CACNA1H: variants seen among roughly 807,000 people sequenced by gnomAD.
CACNA1H encodes calcium voltage-gated channel subunit alpha1 H.
Under a neutral mutation model 192.5 loss-of-function variants are expected in CACNA1H, and 149 were observed. That is an observed-to-expected ratio of 0.77 (90% CI 0.68 to 0.89). The LOEUF is 0.89. CACNA1H is among the 40% of genes least tolerant of loss of function. The probability of loss-of-function intolerance (pLI) is 0.00; values close to 1 mark genes in which losing one functional copy is unlikely to be tolerated. For missense variants in CACNA1H, 4,257 were observed against 3,423.5 expected, an observed-to-expected ratio of 1.24 and a Z score of -6.08; for synonymous variants, 2,202 against 1,475.2, an observed-to-expected ratio of 1.49 and a Z score of -11.29.
intron 12 of CACNA1H, chr16:1,206,672 G>A (rs1968750919): frequency 4.7e-6 from 2 of 429,584 alleles, no homozygotes; most frequent in South Asian, 6.1e-5. Context: ...CAGCCAGGCA[G>A]GCCGGGCTTT....
Position 1,202,112 on chromosome 16 carries a change from C to T in CACNA1H, c.1662C>T (p.Gly554=), listed in dbSNP as rs755913742. Residue 554 remains glycine (G), a synonymous_variant, in exon 9 of 35, where the codon GGC becomes GGT. Coordinates refer to ENST00000348261, the MANE Select transcript of CACNA1H (RefSeq NM_021098.3). ...GACDTRLVRA[G]APPSPPSPGR... ...GCGACACCAGGCTGGTCCGAGCTGG[C>T]GCGCCCCCCTCGCCACCTTCCCCAG... 19 of 1,545,890 alleles carry T rather than the reference C, an allele frequency of 1.2e-5. No homozygotes were observed. The highest frequency in any genetic ancestry group is 2.7e-5 in the African/African-American group (2 of 72,994).
intron 2 of CACNA1H, among the ~76,000 whole-genome samples, chr16:1,168,227 AC>A (rs1362765160): frequency 6.6e-6 from 1 of 150,736 alleles, no homozygotes; most frequent in Non-Finnish European, 1.5e-5. Context: ...TGCCCAGCTC[AC>A]CCCGATGAGC....
intron 2 of CACNA1H, chr16:1,159,992 TC>T (rs1191665864): frequency 6.6e-6 from 1 of 152,340 alleles, no homozygotes; most frequent in African/African-American, 2.4e-5. Context: ...AGAAGAGACG[TC>T]CCGTTCCGGG....
intron 2 of CACNA1H, among the ~76,000 whole-genome samples, chr16:1,185,189 C>T (rs527901812): frequency 1.5e-3 from 233 of 152,324 alleles, no homozygotes; most frequent in Non-Finnish European, 2.2e-3. Flanking sequence ...AGCTTTCTTC[C>T]TTTTCATGGC....
At chr16:1,175,199 A>G (rs945950483) in intron 2 of CACNA1H, among the ~76,000 whole-genome samples, 4 of 151,906 alleles carry the variant, frequency 2.6e-5, no homozygotes, top group Non-Finnish European at 5.9e-5. Flanking sequence ...GTGAGGCCCT[A>G]CTGTGCGCAC....
intron 9 of CACNA1H, 106 bp downstream of exon 9, chr16:1,202,558 C>T: frequency 3.0e-6 from 3 of 1,013,950 alleles, no homozygotes; most frequent in South Asian, 3.5e-5. Flanking sequence ...TCTGATGAGC[C>T]CAGCTTTGAC....
intron 8 of CACNA1H, among the ~76,000 whole-genome samples, chr16:1,201,125 CCT>C (rs1458597987): frequency 6.6e-6 from 1 of 152,130 alleles, no homozygotes; most frequent in Non-Finnish European, 1.5e-5. Flanking sequence ...CTTAGCTGGT[CCT>C]CTCATAGGCC....
chr16:1,211,719 C>T lies in CACNA1H; in HGVS notation c.4480C>T (p.Leu1494=), dbSNP rs575012566. ...KYNFDNLGQA[L]MSLFVLSSKD... ...TGACCCTGGCTCTGGCCCTCAGGCC[C>T]TGATGTCGCTGTTCGTGCTGTCATC... The change falls in exon 24 of 35, where the codon CTG becomes TTG. Residue 1494 remains leucine, a synonymous_variant. Transcript: ENST00000348261. 1.8e-5 allele frequency: 29 copies of T among 1,612,586 alleles called. No homozygotes were observed. In the South Asian group the frequency reaches 1.9e-4, roughly 10 times the overall value.
Position 1,212,121 on chromosome 16 carries a change from TAG to T in CACNA1H, c.4747_4748del (p.Arg1583GlufsTer57). The T allele has an allele frequency of 6.2e-7, 1 of 1,607,264 alleles. No individual in the cohort carries two copies. The highest frequency in any genetic ancestry group is 8.5e-7 in the Non-Finnish European group (1 of 1,179,276). On this transcript the variant is annotated frameshift_variant, in exon 25 of 35. Coordinates refer to ENST00000348261, the MANE Select transcript of CACNA1H (RefSeq NM_021098.3). LOFTEE classifies it high-confidence loss of function. ...CGAGAGGAGAAGCGGCTGCGGCGCC[TAG>T]AGAGGAGGCGCAGGAGTAAGGCGCT...
At chr16:1,186,622 G>T (rs377414163) in intron 2 of CACNA1H, among the ~76,000 whole-genome samples, 1 of 152,150 alleles carries the variant, frequency 6.6e-6, no homozygotes, top group African/African-American at 2.4e-5. Flanking sequence ...CTTCTGTCGT[G>T]AATGTGGTCA....
Position 1,200,158 on chromosome 16 carries a change from C to A in CACNA1H, c.804-98C>A, listed in dbSNP as rs963469620. On this transcript the variant is annotated intron_variant, in intron 6 of 34. Transcript: ENST00000348261. ...CACTGGCCCTGACCCTGATCACGTC[C>A]CTGACCTTGATCACGTCCCTGATCA... 5.7e-5 allele frequency: 56 copies of A among 987,896 alleles called. No homozygotes were observed. In the African/African-American group the frequency reaches 1.3e-3, roughly 22 times the overall value. 61.2% of individuals were successfully genotyped at this position (987,896 alleles called of 1,614,324 possible).
Position 1,220,233 on chromosome 16 carries a change from G to A in CACNA1H, c.6301G>A (p.Val2101Ile), listed in dbSNP as rs1970373796. The change falls in exon 35 of 35, where the codon GTC becomes ATC. Residue 2101 changes from valine to isoleucine, a missense_variant. By Grantham distance (29) the Val-to-Ile change is conservative. Coordinates refer to ENST00000348261, the MANE Select transcript of CACNA1H (RefSeq NM_021098.3). ...AEASDPADEE[V>I]SHITSSACPW... ...GGCCTCGGACCCAGCCGACGAGGAG[G>A]TCAGCCACATCACCAGCTCCGCCTG... The A allele has an allele frequency of 1.3e-6, 2 of 1,584,374 alleles. No individual in the cohort carries two copies.
rs1274216754 is a variant in CACNA1H, at chr16:1,217,947, C to T, written c.5352C>T (p.Gly1784=). 1.2e-6 allele frequency: 2 copies of T among 1,605,624 alleles called. No individual in the cohort carries two copies. Among genetic ancestry groups the T allele is most frequent in the Admixed American group, 1.7e-5 (1 of 59,284 alleles). The change falls in exon 32 of 35, where the codon GGC becomes GGT. Residue 1784 remains glycine (G), a synonymous_variant. Transcript: ENST00000348261. The part of the protein sequence containing the change: ...LECSEDNPCE[G]LSRHATFSNF... The stretch of plus-strand genomic sequence containing the variant: ...GCAGTGAAGACAACCCCTGCGAGGG[C>T]CTGAGCAGGCACGCCACCTTCAGCA...
chr16:1,219,878 T>G, intron 34 of CACNA1H, 103 bp from the exon 35 acceptor site: 12 of 887,128 alleles, frequency 1.4e-5, no homozygotes, highest in Non-Finnish European at 1.7e-5. Context: ...ACCTGCCCAG[T>G]TTGGCCTCTC....
At chr16:1,157,091 G>C (rs111373643) in intron 2 of CACNA1H, 1 of 152,212 alleles carries the variant, frequency 6.6e-6, no homozygotes, top group African/African-American at 2.4e-5. Flanking sequence ...TCCTGACTCC[G>C]CGTTCGCCTG....
In CACNA1H at chr16:1,204,284, C is replaced by G; in HGVS notation, c.2277C>G (p.Pro759=). The change falls in exon 10 of 35, where the codon CCC becomes CCG. Residue 759 remains proline (P), a synonymous_variant. Transcript: ENST00000348261. ...TDTPGPGPGS[P]QRRAQQRAAP... is the part of the protein sequence containing the mutation. ...CACCAGGCCCAGGCCCAGGCAGCCCCCAGCGGCGGGCACAGCAGAGGGCAG... is the reference window on the plus strand; with the variant it reads ...CACCAGGCCCAGGCCCAGGCAGCCCGCAGCGGCGGGCACAGCAGAGGGCAG... The G allele has an allele frequency of 6.2e-7, 1 of 1,607,260 alleles. No homozygotes were observed. Among genetic ancestry groups the G allele is most frequent in the Non-Finnish European group, 8.5e-7 (1 of 1,177,194 alleles).
rs141773982 is a variant in CACNA1H at position 1,201,303 on chromosome 16, C to T, written c.1213-360C>T. Reference sequence around the variant, plus strand: ...AGCGAACGATTAGAGACTTGCTGCACGCTGGTCCATGCTAAGGAGGAAACG... The same window carrying T: ...AGCGAACGATTAGAGACTTGCTGCATGCTGGTCCATGCTAAGGAGGAAACG... On this transcript the variant is annotated intron_variant, in intron 8 of 34. Coordinates refer to ENST00000348261, the MANE Select transcript of CACNA1H (RefSeq NM_021098.3). 1.7e-4 allele frequency among the ~76,000 whole-genome samples: 26 copies of T among 152,220 alleles called. No individual in the cohort carries two copies. The East Asian group carries it at 2.9e-3, about 17-fold the overall frequency.
chr16:1,206,757 T>A, intron 12 of CACNA1H: 1 of 507,978 alleles, frequency 2.0e-6, no homozygotes. Flanking sequence ...GGCTTCCCTC[T>A]GTCTGTCCCG....
In CACNA1H at chr16:1,207,055, A is replaced by G; in HGVS notation, c.2844A>G (p.Gly948=). ...GCKFSLKTDT[G]DTVPDRKNFD... is the part of the protein sequence containing the mutation. ...AGTTCAGCCTGAAGACAGACACCGG[A>G]GACACCGTGCCTGACAGGAAGAACT... The change falls in exon 13 of 35, where the codon GGA becomes GGG. Residue 948 remains glycine (G), a synonymous_variant. Coordinates refer to ENST00000348261, the MANE Select transcript of CACNA1H (RefSeq NM_021098.3). The G allele has an allele frequency of 1.2e-6, 2 of 1,603,194 alleles. No homozygotes were observed. Among genetic ancestry groups the G allele is most frequent in the South Asian group, 1.1e-5 (1 of 89,090 alleles).
Sources: gnomAD v4.1 joint callset for allele counts (sites outside exome capture counted in the v4.1 genomes callset) on GRCh38, gnomAD v4.1.1 for gene constraint, MANE v1.5 for transcripts, NCBI Gene and HGNC (gene_info 2026-07-23, HGNC 2026-07-21) for gene names.